PTPRK: variants seen among roughly 807,000 people sequenced by gnomAD.
PTPRK encodes the protein receptor-type tyrosine-protein phosphatase kappa.
Under a neutral mutation model 178.0 loss-of-function variants are expected in PTPRK, and 75 were observed. The ratio of observed to expected loss-of-function variants is 0.42; its 90% confidence interval spans 0.35 to 0.51. The LOEUF (loss-of-function observed/expected upper bound fraction) is 0.51. Ranked by LOEUF, PTPRK falls within the 20% of genes least tolerant of loss-of-function variation. The pLI, the probability that PTPRK is intolerant of heterozygous loss-of-function variation, is 0.02. For missense variants in PTPRK, 1,441 were observed against 1,797.8 expected (o/e 0.80, Z 3.59); for synonymous variants, 637 against 620.6 (o/e 1.03, Z -0.39).
chr6:128,273,924 C>T (rs947203922), intron 3 of PTPRK, among the ~76,000 whole-genome samples: 2 of 152,070 alleles, frequency 1.3e-5, no homozygotes, highest in Non-Finnish European at 2.9e-5. Context: ...TATACTCCCC[C>T]TTTTCACCAA....
chr6:128,223,002 T>C (rs911377570), intron 5 of PTPRK, among the ~76,000 whole-genome samples: 20 of 152,182 alleles, frequency 1.3e-4, no homozygotes, highest in African/African-American at 4.1e-4. Context: ...GACAGGGTCA[T>C]GGATACTGCC....
At chr6:128,065,461 A>C (rs1781582552) in intron 12 of PTPRK, among the ~76,000 whole-genome samples, 4 of 152,170 alleles carry the variant, frequency 2.6e-5, no homozygotes, top group Admixed American at 2.6e-4. Context: ...TAGGAGACAC[A>C]TGTCCCTGCC....
At chr6:128,243,505 A>AG (rs1238749318) in intron 3 of PTPRK, among the ~76,000 whole-genome samples, 3 of 148,208 alleles carry the variant, frequency 2.0e-5, no homozygotes, top group African/African-American at 7.7e-5. Flanking sequence ...AAAAAAAAAA[A>AG]AAAAAAAAGA....
intron 5 of PTPRK, among the ~76,000 whole-genome samples, chr6:128,224,200 C>CT (rs549777458): frequency 4.5e-4 from 69 of 152,236 alleles, no homozygotes; most frequent in Middle Eastern, 3.4e-3. Flanking sequence ...CCTAGCACTA[C>CT]TTTTTTTACC....
At chr6:128,372,854 A>C (rs973316196) in intron 2 of PTPRK, among the ~76,000 whole-genome samples, 1 of 152,132 alleles carries the variant, frequency 6.6e-6, no homozygotes, top group Non-Finnish European at 1.5e-5. Flanking sequence ...TTTTTTCACT[A>C]TAGCCTGCCA....
intron 6 of PTPRK, among the ~76,000 whole-genome samples, chr6:128,216,461 G>A (rs960694722): frequency 2.0e-5 from 3 of 151,676 alleles, no homozygotes; most frequent in Non-Finnish European, 4.4e-5. Context: ...CTTGAACCCA[G>A]GAGGCAGAGG....
At chr6:127,995,682 T>C in intron 17 of PTPRK, 144 bp from the exon 18 acceptor site, 1 of 551,924 alleles carries the variant, frequency 1.8e-6, no homozygotes, top group South Asian at 3.1e-5. Context: ...TGAAGAAATA[T>C]AAGAATGTTA....
intron 1 of PTPRK, among the ~76,000 whole-genome samples, chr6:128,420,237 G>GA (rs1447132586): frequency 1.3e-5 from 2 of 152,128 alleles, no homozygotes; most frequent in South Asian, 2.1e-4. Context: ...CAAATTGAAA[G>GA]AAAAAATATA....
At chr6:128,455,911 G>C (rs549191824) in intron 1 of PTPRK, among the ~76,000 whole-genome samples, 330 of 151,974 alleles carry the variant, frequency 2.2e-3, no homozygotes, top group Non-Finnish European at 3.6e-3. Context: ...CCTAATTTAG[G>C]AACACCTAAT....
chr6:128,408,856 A>G (rs1469451843), intron 1 of PTPRK, among the ~76,000 whole-genome samples: 1 of 152,222 alleles, frequency 6.6e-6, no homozygotes, highest in African/African-American at 2.4e-5. Flanking sequence ...GGACTAATGA[A>G]TAATAGTAAG....
At chr6:128,076,248 T>A (rs2114977037) in intron 11 of PTPRK, among the ~76,000 whole-genome samples, 1 of 152,116 alleles carries the variant, frequency 6.6e-6, no homozygotes, top group Middle Eastern at 3.4e-3. Flanking sequence ...TTCAAAAAAT[T>A]AAGGCACTGG....
intron 5 of PTPRK, among the ~76,000 whole-genome samples, chr6:128,237,566 C>G (rs1813522383): frequency 6.6e-6 from 1 of 152,156 alleles, no homozygotes; most frequent in Admixed American, 6.5e-5. Context: ...CATCTTACAG[C>G]TGGAAGGGAT....
chr6:128,148,435 T>C (rs893104545), intron 7 of PTPRK, among the ~76,000 whole-genome samples: 6 of 152,168 alleles, frequency 3.9e-5, no homozygotes, highest in Non-Finnish European at 5.9e-5. Context: ...TATATACTTC[T>C]TCCCTCAAAG....
intron 2 of PTPRK, among the ~76,000 whole-genome samples, chr6:128,362,612 C>T (rs1834931136): frequency 6.6e-6 from 1 of 152,168 alleles, no homozygotes; most frequent in South Asian, 2.1e-4. Context: ...GAATTATTGG[C>T]TGTCCAGCTT....
intron 1 of PTPRK, among the ~76,000 whole-genome samples, chr6:128,463,712 A>G (rs987176213): frequency 1.4e-4 from 21 of 146,996 alleles, no homozygotes; most frequent in Non-Finnish European, 3.1e-4. Flanking sequence ...AAAATAATTC[A>G]GCCTTCTCTA....
chr6:128,305,927 G>T (rs980915491), intron 3 of PTPRK, among the ~76,000 whole-genome samples: 1 of 152,202 alleles, frequency 6.6e-6, no homozygotes, highest in African/African-American at 2.4e-5. Flanking sequence ...GAAGAAATAC[G>T]TGAGACTGGG....
At chr6:128,308,904 C>T (rs991787029) in intron 3 of PTPRK, among the ~76,000 whole-genome samples, 7 of 152,088 alleles carry the variant, frequency 4.6e-5, no homozygotes, top group Admixed American at 2.6e-4. Flanking sequence ...TCAGTGGACA[C>T]GTGGTGTACA....
At chr6:128,283,985 T>C (rs1010979002) in intron 3 of PTPRK, among the ~76,000 whole-genome samples, 58 of 152,304 alleles carry the variant, frequency 3.8e-4, no homozygotes, top group African/African-American at 1.3e-3. Flanking sequence ...TCTGAAGGTA[T>C]TTATTGCAGG....
intron 7 of PTPRK, among the ~76,000 whole-genome samples, chr6:128,148,111 GAA>G: frequency 6.6e-6 from 1 of 152,108 alleles, no homozygotes; most frequent in East Asian, 1.9e-4. Flanking sequence ...ATATTTGGTT[GAA>G]CCACAGCATG....
Sources: gnomAD v4.1 joint callset for allele counts (sites outside exome capture counted in the v4.1 genomes callset) on GRCh38, gnomAD v4.1.1 for gene constraint, MANE v1.5 for transcripts, NCBI Gene and HGNC (gene_info 2026-07-23, HGNC 2026-07-21) for gene names.